PRSS41: variants seen among roughly 807,000 people sequenced by gnomAD.
PRSS41 encodes the protein protease, serine 41.
A neutral mutation model predicts 28.8 loss-of-function variants in PRSS41; 37 were observed. The ratio of observed to expected loss-of-function variants is 1.29; its 90% CI spans 0.99 to 1.69. PRSS41 has a LOEUF of 1.69. PRSS41 is among the 40% of genes most tolerant of loss of function. The pLI is 0.00. For synonymous variants in PRSS41, 195 were observed against 163.1 expected, an observed-to-expected ratio of 1.20 and a Z score of -1.49; for missense variants, 431 against 400.7, an observed-to-expected ratio of 1.08 and a Z score of -0.65.
chr16:2,799,236 C>A, intron 3 of PRSS41, 50 bp from the exon 4 acceptor site: 1 of 1,535,438 alleles, frequency 6.5e-7, no homozygotes, highest in Non-Finnish European at 8.8e-7. Flanking sequence ...CGTGCTCAGG[C>A]GGCCAGCCCC....
intron 4 of PRSS41, among the ~76,000 whole-genome samples, chr16:2,802,785 C>T (rs1019450187): frequency 1.3e-5 from 2 of 151,878 alleles, no homozygotes; most frequent in Non-Finnish European, 2.9e-5. Context: ...GCAGGAGAAT[C>T]AGGCAGGGAG....
chr16:2,802,174 C>A (rs1390803069), intron 4 of PRSS41, among the ~76,000 whole-genome samples: 1 of 150,686 alleles, frequency 6.6e-6, no homozygotes, highest in Non-Finnish European at 1.5e-5. Context: ...ACGGGGTGGC[C>A]GGGCAGAGAC....
At chr16:2,804,344 C>G (rs2069006557) in intron 4 of PRSS41, 45 bp from the exon 5 acceptor site, 1 of 1,542,642 alleles carries the variant, frequency 6.5e-7, no homozygotes, top group South Asian at 1.2e-5. Context: ...CTCCAGATAG[C>G]AGAGGAGAGG....
intron 4 of PRSS41, among the ~76,000 whole-genome samples, chr16:2,802,916 A>C (rs2068999577): frequency 6.6e-6 from 1 of 152,110 alleles, no homozygotes; most frequent in South Asian, 2.1e-4. Flanking sequence ...TCTTATAACA[A>C]GTTTGTATTA....
At chr16:2,804,481 C>A in exon 5 of PRSS41, 5 of 1,551,562 alleles carry the variant, frequency 3.2e-6, no homozygotes, top group Non-Finnish European at 4.4e-6. Context: ...GCCCTCTAGC[C>A]GTAGTATGAT....
At chr16:2,798,726 C>G in intron 2 of PRSS41, 64 bp downstream of exon 2, 1 of 1,353,372 alleles carries the variant, frequency 7.4e-7, no homozygotes, top group Non-Finnish European at 9.7e-7. Flanking sequence ...GGGGGCCCAT[C>G]TACTGCTCTC....
At chr16:2,803,128 A>G (rs2069000786) in intron 4 of PRSS41, among the ~76,000 whole-genome samples, 1 of 152,194 alleles carries the variant, frequency 6.6e-6, no homozygotes, top group Admixed American at 6.5e-5. Context: ...TGGAGCATTC[A>G]AGCCCTTTAC....
chr16:2,804,363 G>T (rs1482385751), intron 4 of PRSS41, 26 bp from the exon 5 acceptor site: 1 of 1,550,266 alleles, frequency 6.5e-7, no homozygotes, highest in Non-Finnish European at 8.7e-7. Context: ...GGTGAAGGGT[G>T]CTGTCCTTTT....
intron 4 of PRSS41, among the ~76,000 whole-genome samples, chr16:2,802,412 A>C (rs564863742): frequency 1.3e-5 from 2 of 150,490 alleles, no homozygotes; most frequent in South Asian, 2.1e-4. Flanking sequence ...GCAGCCAGGC[A>C]GAGGGGCTCC....
exon 4 of PRSS41, chr16:2,799,297 C>A: frequency 6.4e-7 from 1 of 1,551,582 alleles, no homozygotes; most frequent in South Asian, 1.2e-5. Context: ...CACTACTATC[C>A]CTCCGAGTGG....
intron 4 of PRSS41, among the ~76,000 whole-genome samples, chr16:2,802,666 G>A (rs1250887875): frequency 6.6e-6 from 1 of 152,240 alleles, no homozygotes; most frequent in Non-Finnish European, 1.5e-5. Flanking sequence ...GATCACTCGC[G>A]GTTAGGGGCT....
rs1221295581 is a variant in PRSS41, at chr16:2,802,022, AC to A, written c.542-2359del. Among the ~76,000 whole-genome samples, 30 of 132,570 alleles carry A rather than the reference AC, an allele frequency of 2.3e-4. No homozygotes were observed. The South Asian group carries it at 3.9e-3, about 17-fold the overall frequency. The allele number at this position is 132,570 out of a possible 152,430, so 87.0% of individuals were successfully genotyped here. The stretch of plus-strand genomic sequence containing the variant: ...GGGCGGCTGGCCGGGCGTGGGGCTG[AC>A]CCCCCCCACCTCCCTCCCGGACGGG... On this transcript the variant is annotated intron_variant, in intron 4 of 5. Transcript: ENST00000399677.
At position 2,805,115 on chromosome 16, in the gene PRSS41, C is replaced by T. The variant is rs993982232; in HGVS notation, c.901C>T (p.Leu301=). The T allele has an allele frequency of 1.1e-5, 17 of 1,551,008 alleles. No individual in the cohort carries two copies. In the African/African-American group the frequency reaches 1.5e-4, roughly 14 times the overall value. Residue 301 remains leucine (L), a synonymous_variant, in exon 6 of 6, where the codon CTG becomes TTG. Transcript: ENST00000399677. The stretch of plus-strand genomic sequence containing the variant: ...CTCCCAGCTGTTGCTGCTCCTTGCC[C>T]TGCTGTGGGCTCCCTGACTCCTGCA...
chr16:2,801,975 C>T (rs1184346965), intron 4 of PRSS41, among the ~76,000 whole-genome samples: 1 of 144,604 alleles, frequency 6.9e-6, no homozygotes, highest in Non-Finnish European at 1.5e-5. Flanking sequence ...GGGGGCTGAC[C>T]CCCCCACCTC....
chr16:2,805,020 A>T, exon 6 of PRSS41: 1 of 1,566,004 alleles, frequency 6.4e-7, no homozygotes, highest in Non-Finnish European at 8.7e-7. Context: ...CCTGGTGTCT[A>T]CACCAACATC....
exon 5 of PRSS41, chr16:2,804,432 C>A (rs1314591085): frequency 7.7e-6 from 12 of 1,551,526 alleles, no homozygotes; most frequent in East Asian, 2.4e-5. Context: ...CACAGGTCAC[C>A]ATCTTAAACA....
At position 2,798,940 on chromosome 16, in the gene PRSS41, G is replaced by A. The variant is rs1441898935; in HGVS notation, c.92-19G>A. On this transcript the variant is annotated intron_variant, in intron 2 of 5. Transcript: ENST00000399677. ...CCACCCCACCCGGCAGCTCAGCCGC[G>A]TCCGTCTGTCCATCCCAGAGGCCTG... is the stretch of plus-strand genomic sequence containing the variant. 1 of 1,234,324 alleles carries A rather than the reference G, an allele frequency of 8.1e-7. No individual in the cohort carries two copies. Among genetic ancestry groups the A allele is most frequent in the African/African-American group, 1.5e-5 (1 of 64,752 alleles). The allele number at this position is 1,234,324 out of a possible 1,614,324, so 76.5% of individuals were successfully genotyped here. A position where few individuals can be genotyped will look rare whatever the true frequency, so the allele number is the denominator to read the frequency against.
At chr16:2,803,048 C>T (rs1567268209) in intron 4 of PRSS41, among the ~76,000 whole-genome samples, 1 of 152,192 alleles carries the variant, frequency 6.6e-6, no homozygotes, top group African/African-American at 2.4e-5. Flanking sequence ...AAGTGACTCT[C>T]TTATAAGGAG....
rs1349839583 is a variant in PRSS41 at position 2,798,508 on chromosome 16, GC to G, written c.25del (p.Leu9TrpfsTer53). On this transcript the variant is annotated frameshift_variant, in exon 1 of 6. Coordinates refer to ENST00000399677, the Ensembl canonical transcript of PRSS41. LOFTEE classifies it high-confidence loss of function. ...CCATGGGCGCGCGCGGGGCGCTGCT[GC>G]TGGCGCTGCTGCTGGCTCGGGCTGG... 7.6e-7 allele frequency: 1 copy of G among 1,310,454 alleles called. No homozygotes were observed. The highest frequency in any genetic ancestry group is 1.4e-5 in the African/African-American group (1 of 69,188). 81.2% of individuals were successfully genotyped at this position (1,310,454 alleles called of 1,614,324 possible).
Sources: allele counts gnomAD v4.1 joint callset (sites outside exome capture counted in the v4.1 genomes callset), GRCh38; gene constraint gnomAD v4.1.1; transcripts MANE v1.5; gene names NCBI Gene and HGNC (gene_info 2026-07-23, HGNC 2026-07-21).